Variants in PDE1A observed in about 807,000 individuals in gnomAD.
The protein encoded by PDE1A is dual specificity calcium/calmodulin-dependent 3',5'-cyclic nucleotide phosphodiesterase 1A.
PDE1A carries 35 observed loss-of-function variants against 61.7 expected under a neutral mutation model. The ratio of observed to expected loss-of-function variants is 0.57; its 90% confidence interval spans 0.43 to 0.75. The LOEUF (loss-of-function observed/expected upper bound fraction) is 0.75. Ranked by LOEUF, PDE1A falls within the 30% of genes least tolerant of loss-of-function variation. PDE1A has a pLI of 0.00. For missense variants in PDE1A, 597 were observed against 630.6 expected (o/e 0.95, Z 0.57); for synonymous variants, 232 against 213.2 (o/e 1.09, Z -0.77).
intron 2 of PDE1A, among the ~76,000 whole-genome samples, chr2:182,441,286 G>A (rs1178327162): frequency 6.6e-6 from 1 of 152,000 alleles, no homozygotes; most frequent in Non-Finnish European, 1.5e-5. Context: ...AGATTTGGGT[G>A]GGGACAAAGC....
the PDE1A span, among the ~76,000 whole-genome samples, chr2:182,690,297 G>T: frequency 3.8e-4 from 58 of 152,036 alleles, no homozygotes; most frequent in Non-Finnish European, 1.2e-4. Context: ...ACTGGCAAAT[G>T]GAATCCAGCA....
chr2:182,372,519 C>T (rs1190958307), intron 1 of PDE1A, among the ~76,000 whole-genome samples: 1 of 152,212 alleles, frequency 6.6e-6, no homozygotes, highest in Non-Finnish European at 1.5e-5. Context: ...ACAGGTAACA[C>T]TGTTATATGC....
At chr2:182,349,986 A>G (rs1698767833) in intron 1 of PDE1A, among the ~76,000 whole-genome samples, 1 of 152,156 alleles carries the variant, frequency 6.6e-6, no homozygotes, top group South Asian at 2.1e-4. Flanking sequence ...TTTCTAGATT[A>G]ACACTGGCTC....
chr2:182,629,406 T>TACC, the PDE1A span, among the ~76,000 whole-genome samples: 2 of 152,296 alleles, frequency 1.3e-5, no homozygotes, highest in Admixed American at 1.3e-4. Context: ...TCCACATTAC[T>TACC]ACCACCACCA....
intron 1 of PDE1A, among the ~76,000 whole-genome samples, chr2:182,288,203 G>C (rs1421632953): frequency 6.6e-6 from 1 of 152,114 alleles, no homozygotes; most frequent in Admixed American, 6.6e-5. Context: ...AATAGTTGCT[G>C]AGAACTTTTG....
intron 2 of PDE1A, chr2:182,242,022 C>T: frequency 7.2e-7 from 1 of 1,389,600 alleles, no homozygotes; most frequent in Non-Finnish European, 9.3e-7. Flanking sequence ...ATGCAGTGAT[C>T]AGATACAGTG....
At chr2:182,299,905 G>A (rs1018022448) in intron 1 of PDE1A, among the ~76,000 whole-genome samples, 5 of 152,056 alleles carry the variant, frequency 3.3e-5, no homozygotes, top group African/African-American at 9.7e-5. Flanking sequence ...TTGTATTGAC[G>A]ACAGCATGCT....
At chr2:182,331,385 C>G (rs930297073) in intron 1 of PDE1A, among the ~76,000 whole-genome samples, 1 of 152,156 alleles carries the variant, frequency 6.6e-6, no homozygotes, top group Non-Finnish European at 1.5e-5. Flanking sequence ...GAATTTGATC[C>G]TATCATTATG....
chr2:182,502,538 G>A (rs1013372507), intron 2 of PDE1A, among the ~76,000 whole-genome samples: 1 of 152,106 alleles, frequency 6.6e-6, no homozygotes, highest in Non-Finnish European at 1.5e-5. Flanking sequence ...TATGTGTTCA[G>A]CCCTGACCCC....
chr2:182,425,126 A>T (rs76003994), intron 1 of PDE1A, among the ~76,000 whole-genome samples: 1 of 152,176 alleles, frequency 6.6e-6, no homozygotes, highest in East Asian at 1.9e-4. Context: ...ACCTGCTTCA[A>T]TCCCCACAGC....
chr2:182,323,854 C>T (rs552896625), intron 1 of PDE1A, among the ~76,000 whole-genome samples: 1 of 152,298 alleles, frequency 6.6e-6, no homozygotes, highest in Non-Finnish European at 1.5e-5. Flanking sequence ...CCTGGTAGAG[C>T]AGACCAGCGT....
chr2:182,165,395 A>G (rs1691603652), downstream of PDE1A, among the ~76,000 whole-genome samples: 1 of 152,174 alleles, frequency 6.6e-6, no homozygotes, highest in African/African-American at 2.4e-5. Context: ...ATGATTCTTG[A>G]GTCAACAGGC....
At chr2:182,234,926 T>G (rs1689886553) in intron 3 of PDE1A, among the ~76,000 whole-genome samples, 2 of 152,194 alleles carry the variant, frequency 1.3e-5, no homozygotes, top group South Asian at 4.1e-4. Flanking sequence ...ATTTTTATAT[T>G]AAAATTATAG....
chr2:182,214,084 A>T (rs1687928024), intron 7 of PDE1A, among the ~76,000 whole-genome samples: 1 of 150,300 alleles, frequency 6.7e-6, no homozygotes, highest in African/African-American at 2.5e-5. Context: ...CAGAAACCCT[A>T]CAAGCCAGAA....
the PDE1A span, among the ~76,000 whole-genome samples, chr2:182,698,845 C>G: frequency 6.6e-6 from 1 of 152,158 alleles, no homozygotes; most frequent in South Asian, 2.1e-4. Flanking sequence ...ACTTCATTCC[C>G]CCCTTGAAGG....
At chr2:182,707,231 T>C in the PDE1A span, among the ~76,000 whole-genome samples, 1 of 151,940 alleles carries the variant, frequency 6.6e-6, no homozygotes, top group Non-Finnish European at 1.5e-5. Flanking sequence ...AACTTAAATT[T>C]CCAGCTTAAA....
chr2:182,452,598 T>C (rs2125721940), intron 2 of PDE1A, among the ~76,000 whole-genome samples: 1 of 152,268 alleles, frequency 6.6e-6, no homozygotes, highest in African/African-American at 2.4e-5. Flanking sequence ...CAGTGAACAA[T>C]GCCACTACAT....
chr2:182,238,976 C>G (rs1017687532), intron 3 of PDE1A, among the ~76,000 whole-genome samples: 1 of 152,108 alleles, frequency 6.6e-6, no homozygotes. Context: ...AACATACTCT[C>G]ATGTTTCATC....
At chr2:182,551,397 T>C in the PDE1A span, among the ~76,000 whole-genome samples, 1 of 152,134 alleles carries the variant, frequency 6.6e-6, no homozygotes, top group Admixed American at 6.5e-5. Flanking sequence ...GGGCTTGGGG[T>C]TGTCCCATGA....
Sources: allele counts gnomAD v4.1 joint callset (sites outside exome capture counted in the v4.1 genomes callset), GRCh38; gene constraint gnomAD v4.1.1; transcripts MANE v1.5; gene names NCBI Gene and HGNC (gene_info 2026-07-23, HGNC 2026-07-21).